CEP78: variants seen among roughly 807,000 people sequenced by gnomAD.
CEP78 encodes centrosomal protein 78, also known as centrosomal protein of 78 kDa.
In CEP78, 76 loss-of-function variants were observed where a neutral mutation model predicts 81.2. That is an observed-to-expected ratio of 0.94 (90% CI 0.78 to 1.13). The LOEUF (loss-of-function observed/expected upper bound fraction) is 1.13, where lower values mean the gene tolerates loss of function less well. CEP78 is among the 50% of genes most tolerant of loss of function. The probability of loss-of-function intolerance (pLI) is 0.00; values close to 1 mark genes in which losing one functional copy is unlikely to be tolerated. For synonymous variants in CEP78, 293 were observed against 301.4 expected (o/e 0.97, Z 0.29); for missense variants, 918 against 846.8 (o/e 1.08, Z -1.04).
Position 78,264,170 on chromosome 9 carries a change from G to T in CEP78, c.1479G>T (p.Gln493His). 6.8e-7 allele frequency: 1 copy of T among 1,481,234 alleles called. No homozygotes were observed. Among genetic ancestry groups the T allele is most frequent in the Non-Finnish European group, 9.0e-7 (1 of 1,113,268 alleles). The allele number at this position is 1,481,234 out of a possible 1,614,324, so 91.8% of individuals were successfully genotyped here. ...TATAGCTGGAACATGAAAATGCCCAGTTAAGAAATATAAATTTCTCTTTGT... is the reference window on the plus strand; with the variant it reads ...TATAGCTGGAACATGAAAATGCCCATTTAAGAAATATAAATTTCTCTTTGT... The part of the protein sequence containing the change: ...RVSELEHENA[Q>H]LRNINFSLSE... Residue 493 changes from glutamine to histidine, a missense_variant, in exon 13 of 17, where the codon CAG (glutamine) becomes CAT (histidine). Coordinates refer to ENST00000643273, the MANE Select transcript of CEP78 (RefSeq NM_001330691.3).
At position 78,270,880 on chromosome 9, in the gene CEP78, T is replaced by G; in HGVS notation, c.*29T>G. The G allele has an allele frequency of 1.5e-6, 1 of 679,040 alleles. No homozygotes were observed. Among genetic ancestry groups the G allele is most frequent in the Non-Finnish European group, 2.7e-6 (1 of 375,616 alleles). 42.1% of individuals were successfully genotyped at this position (679,040 alleles called of 1,614,324 possible). A position where few individuals can be genotyped will look rare whatever the true frequency, so the allele number is the denominator to read the frequency against. Reference sequence around the variant, plus strand: ...GACTGGAGAAATATTAAAATAAAAATAATAGCAGAGTTGGAAAACCAGAAA... The same window carrying G: ...GACTGGAGAAATATTAAAATAAAAAGAATAGCAGAGTTGGAAAACCAGAAA... On this transcript the variant is annotated 3_prime_UTR_variant, in exon 17 of 17. Transcript: ENST00000643273.
In CEP78 at chr9:78,274,171, T is replaced by A. The variant is rs574389130; in HGVS notation, c.*3320T>A. The A allele has an allele frequency of 1.3e-5, 2 of 152,230 alleles. No individual in the cohort carries two copies. Among genetic ancestry groups the A allele is most frequent in the Non-Finnish European group, 2.9e-5 (2 of 68,046 alleles). 9.4% of individuals were successfully genotyped at this position (152,230 alleles called of 1,614,324 possible). ...CGATGTATCCATATGGTGGCAAACA[T>A]GCCACAATTCGGATGAATCTCAACA... On this transcript the variant is annotated 3_prime_UTR_variant, in exon 17 of 17. Transcript: ENST00000643273.
Position 78,254,917 on chromosome 9 carries a change from G to A in CEP78, c.1333G>A (p.Val445Ile). 6.2e-7 allele frequency: 1 copy of A among 1,611,314 alleles called. No individual in the cohort carries two copies. Among genetic ancestry groups the A allele is most frequent in the Non-Finnish European group, 8.5e-7 (1 of 1,177,948 alleles). ...VEEVDDSSES[V>I]HEVPEKTSIE... ...AGAGGTTGATGATTCTTCAGAGAGTGTTCATGAAGTGCCTGAGAAAACTAG... is the reference window on the plus strand; with the variant it reads ...AGAGGTTGATGATTCTTCAGAGAGTATTCATGAAGTGCCTGAGAAAACTAG... The change falls in exon 11 of 17, where the codon GTT (valine) becomes ATT (isoleucine). Residue 445 changes from valine to isoleucine, a missense_variant. Coordinates refer to ENST00000643273, the MANE Select transcript of CEP78 (RefSeq NM_001330691.3).
At chr9:78,262,857 G>C in intron 11 of CEP78, 50 bp from the exon 12 acceptor site, 1 of 1,156,606 alleles carries the variant, frequency 8.6e-7, no homozygotes. Flanking sequence ...AGAGTTTTGG[G>C]GATCATATTG....
chr9:78,269,836 A>G (rs1827652420), intron 16 of CEP78, among the ~76,000 whole-genome samples: 1 of 152,222 alleles, frequency 6.6e-6, no homozygotes, highest in African/African-American at 2.4e-5. Context: ...AAATGTTTGT[A>G]AGGTGAAAGG....
chr9:78,241,228 C>T (rs894602826), intron 3 of CEP78, among the ~76,000 whole-genome samples: 1 of 152,012 alleles, frequency 6.6e-6, no homozygotes, highest in African/African-American at 2.4e-5. Context: ...TTTGAGGGAG[C>T]AGAGAGTTAA....
At chr9:78,257,373 G>A (rs1013688753) in intron 11 of CEP78, among the ~76,000 whole-genome samples, 3 of 152,188 alleles carry the variant, frequency 2.0e-5, no homozygotes, top group Admixed American at 6.5e-5. Context: ...GGGCTGAATA[G>A]GACATTTTGG....
chr9:78,242,515 TATA>T (rs1295619485), intron 4 of CEP78, among the ~76,000 whole-genome samples: 1 of 152,226 alleles, frequency 6.6e-6, no homozygotes, highest in Admixed American at 6.5e-5. Context: ...ATAAAATGTG[TATA>T]ATAAGAAAAC....
At chr9:78,266,051 C>T (rs1827513662) in intron 15 of CEP78, 145 bp downstream of exon 15, 2 of 600,448 alleles carry the variant, frequency 3.3e-6, no homozygotes, top group Non-Finnish European at 6.1e-6. Flanking sequence ...TCTGGCCTTA[C>T]TTGGAGCCCC....
At position 78,248,868 on chromosome 9, in the gene CEP78, G is replaced by A; in HGVS notation, c.1064G>A (p.Arg355Lys). Residue 355 changes from arginine to lysine, a missense_variant, in exon 8 of 17, where the codon AGA (arginine) becomes AAA (lysine). Transcript: ENST00000643273. ...GSGHKGKATI[R>K]IGLATKKPVS... ...GGTCACAAAGGAAAAGCTACTATTA[G>A]AATTGGTAACCTTTTCTGTCTTGGC... 1 of 1,528,184 alleles carries A rather than the reference G, an allele frequency of 6.5e-7. No individual in the cohort carries two copies. 94.7% of individuals were successfully genotyped at this position (1,528,184 alleles called of 1,614,324 possible). A position where few individuals can be genotyped will look rare whatever the true frequency, so the allele number is the denominator to read the frequency against.
chr9:78,236,257 T>C lies in CEP78; in HGVS notation c.-94T>C. On this transcript the variant is annotated 5_prime_UTR_variant, in exon 1 of 17. Coordinates refer to ENST00000643273, the MANE Select transcript of CEP78 (RefSeq NM_001330691.3). ...CGGGGCTGCCGCTATCGCCTGGCCG[T>C]GGGTGCCGGAGCGGCCGGGTTGCGA... The C allele has an allele frequency of 8.9e-7, 1 of 1,127,358 alleles. No homozygotes were observed. The highest frequency in any genetic ancestry group is 1.2e-6 in the Non-Finnish European group (1 of 809,488). 69.8% of individuals were successfully genotyped at this position (1,127,358 alleles called of 1,614,324 possible). A position where few individuals can be genotyped will look rare whatever the true frequency, so the allele number is the denominator to read the frequency against.
At position 78,274,858 on chromosome 9, in the gene CEP78, A is replaced by G. The variant is rs1191913218; in HGVS notation, c.*4007A>G. ...AAAGAGGTGTTAGAGGAAATTGTAT[A>G]GATTTTGATTTACTTTCCAGGAAGA... On this transcript the variant is annotated 3_prime_UTR_variant, in exon 17 of 17. Coordinates refer to ENST00000643273, the MANE Select transcript of CEP78 (RefSeq NM_001330691.3). 6.6e-6 allele frequency: 1 copy of G among 152,210 alleles called. No homozygotes were observed. 9.4% of individuals were successfully genotyped at this position (152,210 alleles called of 1,614,324 possible). A position where few individuals can be genotyped will look rare whatever the true frequency, so the allele number is the denominator to read the frequency against.
chr9:78,246,904 G>A (rs1826518431), intron 6 of CEP78, 122 bp downstream of exon 6: 3 of 545,792 alleles, frequency 5.5e-6, no homozygotes, highest in South Asian at 5.2e-5. Context: ...TTGTAATCTT[G>A]CACTTTCTTA....
intron 16 of CEP78, chr9:78,267,183 T>C: frequency 1.9e-6 from 1 of 526,024 alleles, no homozygotes; most frequent in Non-Finnish European, 3.2e-6. Context: ...GTTTACAACA[T>C]TGATTCAGCA....
chr9:78,270,079 G>A (rs978918232), intron 16 of CEP78, among the ~76,000 whole-genome samples: 1 of 152,186 alleles, frequency 6.6e-6, no homozygotes, highest in Non-Finnish European at 1.5e-5. Flanking sequence ...AATAAAATCA[G>A]GGATGGGGTC....
intron 11 of CEP78, among the ~76,000 whole-genome samples, chr9:78,260,111 T>G (rs889123832): frequency 6.6e-6 from 1 of 152,224 alleles, no homozygotes; most frequent in Non-Finnish European, 1.5e-5. Context: ...GTAGAGGTGA[T>G]ATATCCAAGT....
intron 16 of CEP78, chr9:78,266,979 A>G (rs1827571258): frequency 1.4e-6 from 2 of 1,397,888 alleles, no homozygotes; most frequent in Non-Finnish European, 1.9e-6. Context: ...TCAAGAAAGC[A>G]TCCATTCTCT....
At chr9:78,251,164 A>G (rs1284232018) in intron 8 of CEP78, among the ~76,000 whole-genome samples, 1 of 152,068 alleles carries the variant, frequency 6.6e-6, no homozygotes, top group Admixed American at 6.6e-5. Context: ...AAAAAACTTG[A>G]CTCTTTAAAC....
rs907467492 is a variant in CEP78, at chr9:78,236,736, G to A, written c.253+133G>A. The A allele has an allele frequency of 2.5e-6, 3 of 1,219,200 alleles. No individual in the cohort carries two copies. The African/African-American group carries it at 4.7e-5, about 19-fold the overall frequency. The allele number at this position is 1,219,200 out of a possible 1,614,324, so 75.5% of individuals were successfully genotyped here. A position where few individuals can be genotyped will look rare whatever the true frequency, so the allele number is the denominator to read the frequency against. On this transcript the variant is annotated intron_variant, in intron 1 of 16. Transcript: ENST00000643273. ...CTGGACACTCACGAGCTAGGTGAGT[G>A]GCTTAAGGTCTCTAGGGCTTCAGTG...
Sources: allele counts gnomAD v4.1 joint callset (sites outside exome capture counted in the v4.1 genomes callset), GRCh38; gene constraint gnomAD v4.1.1; transcripts MANE v1.5; gene names NCBI Gene and HGNC (gene_info 2026-07-23, HGNC 2026-07-21).